The following CAPZB variants were observed in gnomAD, a reference collection of about 807,000 sequenced individuals.
CAPZB encodes the protein F-actin-capping protein subunit beta.
A neutral mutation model predicts 38.1 loss-of-function variants in CAPZB; 2 were observed. The observed-to-expected ratio is 0.05, with a 90% CI of 0.02 to 0.17. The LOEUF is 0.17. Among genes scored for constraint, CAPZB ranks in the 10% least tolerant of loss-of-function variants. CAPZB has a pLI of 1.00. For synonymous variants in CAPZB, 107 were observed against 127.4 expected (o/e 0.84, Z 1.08); for missense variants, 161 against 334.2 (o/e 0.48, Z 4.04).
intron 4 of CAPZB, among the ~76,000 whole-genome samples, chr1:19,365,758 C>T (rs911820037): frequency 2.6e-5 from 4 of 151,838 alleles, no homozygotes; most frequent in Admixed American, 6.6e-5. Context: ...CGCTTGAACC[C>T]GGGAGGCAGA....
intron 1 of CAPZB, among the ~76,000 whole-genome samples, chr1:19,468,470 G>T (rs1017187995): frequency 1.3e-5 from 2 of 152,114 alleles, no homozygotes; most frequent in South Asian, 2.1e-4. Context: ...AACATAGGAG[G>T]CGCTCAGGGA....
At chr1:19,360,367 G>A (rs188944049) in intron 4 of CAPZB, among the ~76,000 whole-genome samples, 1 of 152,330 alleles carries the variant, frequency 6.6e-6, no homozygotes, top group East Asian at 1.9e-4. Flanking sequence ...TGGCAAAAAG[G>A]ATGGGCCAAT....
rs80234209 is a variant in CAPZB, at chr1:19,480,941, T to G, written c.3+4495A>C. ...AGACAGGGACTAACCATACACCCCT[T>G]TGCACACTTTTGGAAAATGGTGATA... On this transcript the variant is annotated intron_variant, in intron 1 of 8. Transcript: ENST00000264202. Among the ~76,000 whole-genome samples, 21 of 152,314 alleles carry G rather than the reference T, an allele frequency of 1.4e-4. No homozygotes were observed. In the East Asian group the frequency reaches 4.1e-3, roughly 29 times the overall value.
At chr1:19,449,427 G>A (rs368125699) in intron 1 of CAPZB, 22 of 678,282 alleles carry the variant, frequency 3.2e-5, no homozygotes, top group Non-Finnish European at 3.8e-5. Context: ...AGGTCTCAGG[G>A]TGAACCATGG....
At chr1:19,376,023 C>T (rs1269487994) in intron 4 of CAPZB, among the ~76,000 whole-genome samples, 1 of 152,182 alleles carries the variant, frequency 6.6e-6, no homozygotes, top group Non-Finnish European at 1.5e-5. Context: ...AAGCAGAAGT[C>T]CAAGATGAAA....
At chr1:19,343,603 C>T (rs1160689571) in intron 8 of CAPZB, among the ~76,000 whole-genome samples, 2 of 152,248 alleles carry the variant, frequency 1.3e-5, no homozygotes, top group African/African-American at 4.8e-5. Context: ...GGGGAGATCC[C>T]GGCCTCCTGA....
In CAPZB at chr1:19,356,730, C is replaced by A; in HGVS notation, c.493G>T (p.Ala165Ser). ...EVQEKSSGRT[A>S]HYKLTSTVML... ...ACCGTGGAGGTCAACTTGTAATGGG[C>A]GGTGCGACCGCTGGATTTCTCCTGG... The change falls in exon 6 of 9, where the codon GCC becomes TCC. Residue 165 changes from alanine to serine, a missense_variant. Physicochemically the swap from Ala to Ser is moderately conservative, Grantham distance 99. Transcript: ENST00000264202. This position sits in a 1 kb window ranked among gnomAD's most constrained non-coding sequence, Gnocchi z 4.3. The A allele has an allele frequency of 6.2e-7, 1 of 1,613,584 alleles. No homozygotes were observed. Among genetic ancestry groups the A allele is most frequent in the Non-Finnish European group, 8.5e-7 (1 of 1,179,544 alleles).
intron 1 of CAPZB, among the ~76,000 whole-genome samples, chr1:19,470,310 C>T (rs758505697): frequency 6.6e-6 from 1 of 152,186 alleles, no homozygotes; most frequent in African/African-American, 2.4e-5. Context: ...TGTCTTGTTA[C>T]GATGATTCCT....
intron 1 of CAPZB, among the ~76,000 whole-genome samples, chr1:19,469,520 C>T (rs974444903): frequency 6.6e-6 from 1 of 151,890 alleles, no homozygotes; most frequent in East Asian, 1.9e-4. Context: ...TCAACTTGGC[C>T]AGAACAGGGA....
intron 2 of CAPZB, among the ~76,000 whole-genome samples, chr1:19,389,083 A>G (rs1253704685): frequency 6.6e-6 from 1 of 152,200 alleles, no homozygotes; most frequent in African/African-American, 2.4e-5. Flanking sequence ...CTCTGGAATA[A>G]TAACATTTTC....
At position 19,339,243 on chromosome 1, in the gene CAPZB, TGGG is replaced by T. The variant is rs936701050; in HGVS notation, c.*284_*286del. On this transcript the variant is annotated 3_prime_UTR_variant, in exon 9 of 9. Transcript: ENST00000264202. ...AGACAGTGGATTTTATGCCTATAAA[TGGG>T]GGGACAGGGAGGAAGACGGGGGGCC... The T allele has an allele frequency of 4.8e-5, 20 of 414,788 alleles. No homozygotes were observed. Among genetic ancestry groups the T allele is most frequent in the Non-Finnish European group, 4.8e-5 (11 of 230,116 alleles). The allele number at this position is 414,788 out of a possible 1,614,324, so 25.7% of individuals were successfully genotyped here. A position where few individuals can be genotyped will look rare whatever the true frequency, so the allele number is the denominator to read the frequency against.
At chr1:19,465,225 G>T (rs1047709730) in intron 1 of CAPZB, among the ~76,000 whole-genome samples, 7 of 152,130 alleles carry the variant, frequency 4.6e-5, no homozygotes, top group African/African-American at 1.7e-4. Flanking sequence ...GAGTTAAGAG[G>T]TGAGGCCTTT....
intron 1 of CAPZB, chr1:19,448,911 G>A (rs1295060629): frequency 1.2e-6 from 2 of 1,612,816 alleles, no homozygotes; most frequent in Admixed American, 1.7e-5. Context: ...AACTGCCTGG[G>A]CATTGGAGGA....
intron 4 of CAPZB, among the ~76,000 whole-genome samples, chr1:19,364,574 C>A (rs2094072535): frequency 6.6e-6 from 1 of 152,204 alleles, no homozygotes; most frequent in South Asian, 2.1e-4. Flanking sequence ...TCTTTTCTGG[C>A]CTTCTCCTCC....
chr1:19,418,396 A>G (rs781005382), intron 2 of CAPZB, among the ~76,000 whole-genome samples: 1 of 152,156 alleles, frequency 6.6e-6, no homozygotes, highest in Non-Finnish European at 1.5e-5. Flanking sequence ...TCCTGAGCAC[A>G]CAGTGGGTTC....
chr1:19,385,139 AC>A (rs2094196846), intron 3 of CAPZB, among the ~76,000 whole-genome samples: 1 of 151,966 alleles, frequency 6.6e-6, no homozygotes, highest in African/African-American at 2.4e-5. Context: ...TCATATGCGC[AC>A]CCTGTACACT....
At chr1:19,425,109 A>G (rs962869191) in intron 1 of CAPZB, among the ~76,000 whole-genome samples, 7 of 152,230 alleles carry the variant, frequency 4.6e-5, no homozygotes, top group African/African-American at 1.7e-4. Flanking sequence ...ACATGGCTAC[A>G]AAATAAACAG....
At position 19,419,754 on chromosome 1, in the gene CAPZB, T is replaced by C. The variant is rs1264928124; in HGVS notation, c.4-4A>G. 3 of 1,531,146 alleles carry C rather than the reference T, an allele frequency of 2.0e-6. No individual in the cohort carries two copies. Among genetic ancestry groups the C allele is most frequent in the Non-Finnish European group, 2.7e-6 (3 of 1,119,434 alleles). The allele number at this position is 1,531,146 out of a possible 1,614,324, so 94.8% of individuals were successfully genotyped here. On this transcript the variant is annotated splice_polypyrimidine_tract_variant and splice_region_variant and intron_variant, in intron 1 of 8. Transcript: ENST00000264202. ...CACAGTCCAGCTGCTGATCACTCTG[T>C]GGAGGGAGAAATACAAGTGCGTCAG...
intron 2 of CAPZB, among the ~76,000 whole-genome samples, chr1:19,406,703 G>A (rs1403550092): frequency 6.6e-6 from 1 of 152,138 alleles, no homozygotes; most frequent in Non-Finnish European, 1.5e-5. Flanking sequence ...TGTAAAATGG[G>A]CATAAAAGAT....
Sources: allele counts gnomAD v4.1 joint callset (sites outside exome capture counted in the v4.1 genomes callset), GRCh38; gene constraint gnomAD v4.1.1; non-coding constraint Gnocchi (gnomAD v3.1); transcripts MANE v1.5; gene names NCBI Gene and HGNC (gene_info 2026-07-23, HGNC 2026-07-21).